STK3: variants seen among roughly 807,000 people sequenced by gnomAD.
The protein encoded by STK3 is serine/threonine kinase 3.
STK3 carries 41 observed loss-of-function variants against 58.0 expected under a neutral mutation model. The ratio of observed to expected loss-of-function variants is 0.71; its 90% CI spans 0.55 to 0.92. The LOEUF is 0.92. Ranked by LOEUF, STK3 falls within the 40% of genes least tolerant of loss-of-function variation. The pLI, the probability that STK3 is intolerant of heterozygous loss-of-function variation, is 0.00. For missense variants in STK3, 479 were observed against 602.7 expected (o/e 0.79, Z 2.15); for synonymous variants, 170 against 191.0 (o/e 0.89, Z 0.91).
chr8:98,884,655 G>A (rs544097554), intron 1 of STK3, among the ~76,000 whole-genome samples: 2 of 152,196 alleles, frequency 1.3e-5, no homozygotes, highest in African/African-American at 4.8e-5. Flanking sequence ...GGGCTTTTGG[G>A]AAATAATCAG....
At chr8:98,774,262 G>A (rs1481448336) in intron 2 of STK3, among the ~76,000 whole-genome samples, 1 of 151,952 alleles carries the variant, frequency 6.6e-6, no homozygotes, top group Non-Finnish European at 1.5e-5. Context: ...AAACCGGCAC[G>A]TTTCTCTACT....
intron 1 of STK3, among the ~76,000 whole-genome samples, chr8:98,789,216 A>G (rs570549679): frequency 8.0e-4 from 122 of 152,344 alleles, no homozygotes; most frequent in Non-Finnish European, 1.5e-3. Context: ...GAACTGAACA[A>G]CAATAGTGAC....
chr8:98,845,982 T>C (rs1167402986), intron 3 of STK3, among the ~76,000 whole-genome samples: 6 of 152,226 alleles, frequency 3.9e-5, no homozygotes, highest in Admixed American at 1.3e-4. Context: ...CTGTTGTCAC[T>C]GCTGGTTGCA....
intron 1 of STK3, among the ~76,000 whole-genome samples, chr8:98,776,556 A>C (rs1210492152): frequency 6.6e-6 from 1 of 152,248 alleles, no homozygotes. Context: ...TACTTGCAGC[A>C]GTGAACAGAA....
intron 8 of STK3, among the ~76,000 whole-genome samples, chr8:98,568,775 A>G (rs1227203635): frequency 6.6e-6 from 1 of 152,202 alleles, no homozygotes; most frequent in Non-Finnish European, 1.5e-5. Context: ...AAGAATAAAA[A>G]GAGAAAAAGA....
At chr8:98,431,321 G>C (rs1484762849) in intron 3 of STK3, 1 of 167,118 alleles carries the variant, frequency 6.0e-6, no homozygotes, top group Non-Finnish European at 1.5e-5. Context: ...GGGAGGCTGG[G>C]AGGTGGCTGT....
At chr8:98,395,607 T>C (rs1308264171) in intron 3 of STK3, among the ~76,000 whole-genome samples, 3 of 152,244 alleles carry the variant, frequency 2.0e-5, no homozygotes, top group African/African-American at 7.2e-5. Context: ...GGCTACAACC[T>C]TGATGTGTTT....
downstream of STK3, among the ~76,000 whole-genome samples, chr8:98,366,713 T>C (rs986242779): frequency 6.6e-5 from 10 of 152,172 alleles, no homozygotes; most frequent in Non-Finnish European, 1.0e-4. Context: ...CTATTCCTGC[T>C]CCACCCACCC....
intron 3 of STK3, among the ~76,000 whole-genome samples, chr8:98,759,267 C>T (rs552883538): frequency 2.0e-4 from 30 of 152,302 alleles, no homozygotes; most frequent in African/African-American, 7.2e-4. Flanking sequence ...CACTTGAACC[C>T]TTACGGACCA....
At chr8:98,456,074 C>T (rs1291372977) in intron 10 of STK3, 74 bp from the exon 11 acceptor site, 1 of 1,375,032 alleles carries the variant, frequency 7.3e-7, no homozygotes, top group East Asian at 2.5e-5. Context: ...TGAAATTAGA[C>T]TTTAATGTCT....
intron 1 of STK3, among the ~76,000 whole-genome samples, chr8:98,925,696 G>T (rs1415233026): frequency 6.6e-6 from 1 of 152,100 alleles, no homozygotes; most frequent in East Asian, 1.9e-4. Flanking sequence ...CTTGCTGCTT[G>T]CTGTGAATGC....
intron 1 of STK3, among the ~76,000 whole-genome samples, chr8:98,440,238 A>G (rs1404220089): frequency 6.6e-6 from 1 of 152,182 alleles, no homozygotes; most frequent in Non-Finnish European, 1.5e-5. Flanking sequence ...AGAGGCCCTG[A>G]GAGCCCCGGA....
At chr8:98,684,039 G>A (rs1038504231) in intron 6 of STK3, among the ~76,000 whole-genome samples, 6 of 152,146 alleles carry the variant, frequency 3.9e-5, no homozygotes, top group Admixed American at 2.0e-4. Context: ...AAGATGTGCT[G>A]ACTGAATTCT....
At chr8:98,410,563 G>A (rs1297120070) in intron 3 of STK3, among the ~76,000 whole-genome samples, 1 of 152,190 alleles carries the variant, frequency 6.6e-6, no homozygotes, top group Non-Finnish European at 1.5e-5. Flanking sequence ...CAAATGGGTG[G>A]ATATATAAAG....
In STK3 at chr8:98,767,346, T is replaced by A; in HGVS notation, c.133A>T (p.Ile45Leu). 1 of 1,607,848 alleles carries A rather than the reference T, an allele frequency of 6.2e-7. No homozygotes were observed. The highest frequency in any genetic ancestry group is 8.5e-7 in the Non-Finnish European group (1 of 1,178,596). The part of the protein sequence containing the change: ...EGSYGSVFKA[I>L]HKESGQVVAI... ...ACAACTTGACCGGATTCCTTGTGTA[T>A]TGCTTTAAATACACTTCCATAAGAC... Residue 45 changes from isoleucine to leucine, a missense_variant, in exon 3 of 11, where the codon ATA becomes TTA. Transcript: ENST00000419617.
intron 8 of STK3, among the ~76,000 whole-genome samples, chr8:98,561,029 G>A (rs546370357): frequency 3.9e-5 from 6 of 152,016 alleles, no homozygotes; most frequent in Admixed American, 2.0e-4. Flanking sequence ...GCAAGATGCC[G>A]TGTCCAAAAA....
At chr8:98,411,596 C>G (rs892100503) in intron 3 of STK3, among the ~76,000 whole-genome samples, 1 of 152,242 alleles carries the variant, frequency 6.6e-6, no homozygotes, top group Non-Finnish European at 1.5e-5. Flanking sequence ...GACTCTGCCC[C>G]TTGGCGATAT....
intron 10 of STK3, among the ~76,000 whole-genome samples, chr8:98,487,361 T>C (rs1304165212): frequency 6.6e-6 from 1 of 152,208 alleles, no homozygotes; most frequent in Non-Finnish European, 1.5e-5. Flanking sequence ...ACAATGTGCA[T>C]GCACTTACCT....
intron 3 of STK3, chr8:98,430,755 G>T (rs189848972): frequency 1.3e-3 from 211 of 167,190 alleles, no homozygotes; most frequent in Non-Finnish European, 1.8e-3. Flanking sequence ...GAGGCCAGGA[G>T]AAAGGAAAGA....
Sources: allele counts gnomAD v4.1 joint callset (sites outside exome capture counted in the v4.1 genomes callset), GRCh38; gene constraint gnomAD v4.1.1; transcripts MANE v1.5; gene names NCBI Gene and HGNC (gene_info 2026-07-23, HGNC 2026-07-21).